FZD8: variants seen among roughly 807,000 people sequenced by gnomAD.
FZD8 encodes frizzled-8.
A neutral mutation model predicts 46.0 loss-of-function variants in FZD8; 18 were observed. The ratio of observed to expected loss-of-function variants is 0.39; its 90% CI spans 0.27 to 0.58. FZD8 has a LOEUF of 0.58. Ranked by LOEUF, FZD8 falls within the 20% of genes least tolerant of loss-of-function variation. The probability of loss-of-function intolerance (pLI) is 0.55; values close to 1 mark genes in which losing one functional copy is unlikely to be tolerated. For missense variants in FZD8, 785 were observed against 983.4 expected (o/e 0.80, Z 2.70); for synonymous variants, 586 against 467.9 (o/e 1.25, Z -3.26).
chr10:35,640,641 G>C lies in FZD8; in HGVS notation c.789C>G (p.Pro263=), dbSNP rs765082275. 1 of 1,581,732 alleles carries C rather than the reference G, an allele frequency of 6.3e-7. No individual in the cohort carries two copies. The highest frequency in any genetic ancestry group is 1.1e-5 in the South Asian group (1 of 88,174). The change falls in exon 1 of 1, where the codon CCC becomes CCG. Residue 263 remains proline (P), a synonymous_variant. Coordinates refer to ENST00000374694, the MANE Select transcript of FZD8 (RefSeq NM_031866.3). ...KTGQIANCAL[P]CHNPFFSQDE... Reference sequence around the variant, plus strand: ...CCTGGCTGAAAAAGGGGTTGTGGCAGGGCAGCGCGCAGTTAGCGATCTGGC... The same window carrying C: ...CCTGGCTGAAAAAGGGGTTGTGGCACGGCAGCGCGCAGTTAGCGATCTGGC...
rs1275358209 is a variant in FZD8 at position 35,641,169 on chromosome 10, G to A, written c.261C>T (p.Phe87=). ...EIQCSPDLKF[F]LCSMYTPICL... is the part of the protein sequence containing the mutation. ...AGATGGGCGTGTACATGCTGCACAG[G>A]AAGAACTTGAGATCGGGCGAGCACT... The change falls in exon 1 of 1, where the codon TTC becomes TTT. Residue 87 remains phenylalanine (F), a synonymous_variant. Coordinates refer to ENST00000374694, the MANE Select transcript of FZD8 (RefSeq NM_031866.3). The surrounding 1 kb of genome is among the most constrained non-coding windows in gnomAD (Gnocchi z 6.3). The A allele has an allele frequency of 1.7e-5, 27 of 1,613,950 alleles. No homozygotes were observed. The highest frequency in any genetic ancestry group is 2.2e-5 in the Non-Finnish European group (26 of 1,179,908).
chr10:35,641,494 G>GA lies in FZD8; in HGVS notation c.-66_-65insT. ...CGCGCAGAGGGGTGCCGGGGGGGGG[G>GA]CCCACGAGAGAGCCGCAGACGGGTA... On this transcript the variant is annotated 5_prime_UTR_variant, in exon 1 of 1. Transcript: ENST00000374694. This position sits in a 1 kb window ranked among gnomAD's most constrained non-coding sequence, Gnocchi z 6.3. The GA allele has an allele frequency of 1.3e-6, 2 of 1,506,092 alleles. No individual in the cohort carries two copies. Among genetic ancestry groups the GA allele is most frequent in the East Asian group, 4.7e-5 (2 of 42,496 alleles). The allele number at this position is 1,506,092 out of a possible 1,614,324, so 93.3% of individuals were successfully genotyped here.
rs535775579 is a variant in FZD8 at position 35,641,565 on chromosome 10, G to T, written c.-136C>A. ...CCCTTATGCTTCGCCCGGGAGGGGG[G>T]TCTGCCGATAATCTAACCCCTTCTA... On this transcript the variant is annotated 5_prime_UTR_variant, in exon 1 of 1. Coordinates refer to ENST00000374694, the MANE Select transcript of FZD8 (RefSeq NM_031866.3). The surrounding 1 kb of genome is among the most constrained non-coding windows in gnomAD (Gnocchi z 6.3). 4.3e-5 allele frequency: 51 copies of T among 1,193,844 alleles called. No homozygotes were observed. In the South Asian group the frequency reaches 7.7e-4, roughly 18 times the overall value. 74.0% of individuals were successfully genotyped at this position (1,193,844 alleles called of 1,614,324 possible). A position where few individuals can be genotyped will look rare whatever the true frequency, so the allele number is the denominator to read the frequency against.
Position 35,640,350 on chromosome 10 carries a change from C to T in FZD8, c.1080G>A (p.Ala360=), listed in dbSNP as rs1280361840. The T allele has an allele frequency of 3.1e-6, 3 of 964,556 alleles. No homozygotes were observed. In the African/African-American group the frequency reaches 5.4e-5, roughly 17 times the overall value. 59.7% of individuals were successfully genotyped at this position (964,556 alleles called of 1,614,324 possible). The change falls in exon 1 of 1, where the codon GCG becomes GCA. Residue 360 remains alanine (A), a synonymous_variant. Transcript: ENST00000374694. Reference sequence around the variant, plus strand: ...CGCCCGCGCCCGCGCCCGCCGCGCCCGCGCCCGCCGCCGCGCCGCCCGCGC... The same window carrying T: ...CGCCCGCGCCCGCGCCCGCCGCGCCTGCGCCCGCCGCCGCGCCGCCCGCGC... ...AGGAGGAAAG[A]GAAGAGAGGP...
Position 35,640,380 on chromosome 10 carries a change from AGCGCCCCCCGCGCCCGGC to A in FZD8, c.1032_1049del (p.Pro345_Ala350del). Reference sequence around the variant, plus strand: ...CCGCCGCCGCGCCGCCCGCGCCCCCAGCGCCCCCCGCGCCCGGCGCGCCACCGCTGCACGCCACCTTCT... The same window carrying A: ...CCGCCGCCGCGCCGCCCGCGCCCCCAGCGCCACCGCTGCACGCCACCTTCT... On this transcript the variant is annotated inframe_deletion, in exon 1 of 1. Coordinates refer to ENST00000374694, the MANE Select transcript of FZD8 (RefSeq NM_031866.3). 9.5e-7 allele frequency: 1 copy of A among 1,051,628 alleles called. No individual in the cohort carries two copies. The highest frequency in any genetic ancestry group is 1.2e-6 in the Non-Finnish European group (1 of 861,058). 65.1% of individuals were successfully genotyped at this position (1,051,628 alleles called of 1,614,324 possible). A position where few individuals can be genotyped will look rare whatever the true frequency, so the allele number is the denominator to read the frequency against.
rs1469791776 is a variant in FZD8, at chr10:35,641,930, G to C, written c.-501C>G. On this transcript the variant is annotated 5_prime_UTR_variant, in exon 1 of 1. Coordinates refer to ENST00000374694, the MANE Select transcript of FZD8 (RefSeq NM_031866.3). The surrounding 1 kb of genome is among the most constrained non-coding windows in gnomAD (Gnocchi z 6.3). ...TGGGCCGGGCCGCTTGCCGCGCCGG[G>C]TCAGCCCTGGCGGCCACCACTCGGC... is the stretch of plus-strand genomic sequence containing the variant. The C allele has an allele frequency of 6.5e-6, 1 of 152,954 alleles. No individual in the cohort carries two copies. The highest frequency in any genetic ancestry group is 2.4e-5 in the African/African-American group (1 of 41,416). 9.5% of individuals were successfully genotyped at this position (152,954 alleles called of 1,614,324 possible).
In FZD8 at chr10:35,641,554, C is replaced by T. The variant is rs1564478222; in HGVS notation, c.-125G>A. On this transcript the variant is annotated 5_prime_UTR_variant, in exon 1 of 1. Transcript: ENST00000374694. The surrounding 1 kb of genome is among the most constrained non-coding windows in gnomAD (Gnocchi z 6.3). Reference sequence around the variant, plus strand: ...ATCTGGGGTCTCCCTTATGCTTCGCCCGGGAGGGGGGTCTGCCGATAATCT... The same window carrying T: ...ATCTGGGGTCTCCCTTATGCTTCGCTCGGGAGGGGGGTCTGCCGATAATCT... The T allele has an allele frequency of 2.3e-6, 3 of 1,279,394 alleles. No homozygotes were observed. Among genetic ancestry groups the T allele is most frequent in the South Asian group, 1.5e-5 (1 of 64,608 alleles). The allele number at this position is 1,279,394 out of a possible 1,614,324, so 79.3% of individuals were successfully genotyped here.
rs748753603 is a variant in FZD8, at chr10:35,641,253, G to A, written c.177C>T (p.His59=). The change falls in exon 1 of 1, where the codon CAC becomes CAT. Residue 59 remains histidine, a synonymous_variant. Coordinates refer to ENST00000374694, the MANE Select transcript of FZD8 (RefSeq NM_031866.3). This position sits in a 1 kb window ranked among gnomAD's most constrained non-coding sequence, Gnocchi z 6.3. ...CCAGGCCCGCCTCGTCTTGCGTGTCGTGGTTGAACTGATTGGGCATGTAGG... is the reference window on the plus strand; with the variant it reads ...CCAGGCCCGCCTCGTCTTGCGTGTCATGGTTGAACTGATTGGGCATGTAGG... ...NYTYMPNQFN[H]DTQDEAGLEV... 6.2e-7 allele frequency: 1 copy of A among 1,614,076 alleles called. No homozygotes were observed. The highest frequency in any genetic ancestry group is 2.2e-5 in the East Asian group (1 of 44,834).
At position 35,641,055 on chromosome 10, in the gene FZD8, G is replaced by A. The variant is rs767641291; in HGVS notation, c.375C>T (p.Tyr125=). The change falls in exon 1 of 1, where the codon TAC becomes TAT. Residue 125 remains tyrosine (Y), a synonymous_variant. Coordinates refer to ENST00000374694, the MANE Select transcript of FZD8 (RefSeq NM_031866.3). The surrounding 1 kb of genome is among the most constrained non-coding windows in gnomAD (Gnocchi z 6.3). ...GCATGCGGTCGGGCCAGGCGAAGCCGTACTGGCGCATGAGCGGCGCGCAGC... is the reference window on the plus strand; with the variant it reads ...GCATGCGGTCGGGCCAGGCGAAGCCATACTGGCGCATGAGCGGCGCGCAGC... ...KAGCAPLMRQ[Y]GFAWPDRMRC... 8 of 1,609,912 alleles carry A rather than the reference G, an allele frequency of 5.0e-6. No individual in the cohort carries two copies. The South Asian group carries it at 7.7e-5, about 16-fold the overall frequency.
At position 35,639,374 on chromosome 10, in the gene FZD8, G is replaced by C; in HGVS notation, c.2056C>G (p.Pro686Ala). 1.3e-6 allele frequency: 2 copies of C among 1,489,644 alleles called. No homozygotes were observed. Among genetic ancestry groups the C allele is most frequent in the South Asian group, 1.3e-5 (1 of 79,980 alleles). The allele number at this position is 1,489,644 out of a possible 1,614,324, so 92.3% of individuals were successfully genotyped here. A position where few individuals can be genotyped will look rare whatever the true frequency, so the allele number is the denominator to read the frequency against. The change falls in exon 1 of 1, where the codon CCA (proline) becomes GCA (alanine). Residue 686 changes from proline (P) to alanine (A), a missense_variant. Transcript: ENST00000374694. ...ACCTGGGACAATGGCATCTGCTTTGGATAAGACACGGAGCTCGCCGTGCCC... is the reference window on the plus strand; with the variant it reads ...ACCTGGGACAATGGCATCTGCTTTGCATAAGACACGGAGCTCGCCGTGCCC... ...RSGTASSVSYPKQMPLSQV is the reference protein window; with the variant it reads ...RSGTASSVSYAKQMPLSQV
chr10:35,639,690 C>G lies in FZD8; in HGVS notation c.1740G>C (p.Arg580Ser). The change falls in exon 1 of 1, where the codon AGG becomes AGC. Residue 580 changes from arginine (R) to serine (S), a missense_variant. Arg to Ser is a moderately radical substitution (Grantham distance 110, BLOSUM62 -1). Around this residue, in one of 5 missense-constraint regions of FZD8, gnomAD observed 185 missense variants for 180.8 expected, o/e 1.02. Transcript: ENST00000374694. ...TGAGCATGAAGACGGCGTAGTCGGG[C>G]CTGCGTGCCTGGTCGGGCTGCAGGT... Reference protein sequence around the residue: ...LRDLQPDQARRPDYAVFMLKY... With the variant: ...LRDLQPDQARSPDYAVFMLKY... 1.3e-6 allele frequency: 2 copies of G among 1,599,430 alleles called. No individual in the cohort carries two copies. Among genetic ancestry groups the G allele is most frequent in the East Asian group, 4.5e-5 (2 of 44,866 alleles).
At position 35,640,491 on chromosome 10, in the gene FZD8, A is replaced by G. The variant is rs1219006211; in HGVS notation, c.939T>C (p.Ile313=). 1.9e-6 allele frequency: 3 copies of G among 1,582,284 alleles called. No individual in the cohort carries two copies. Among genetic ancestry groups the G allele is most frequent in the East Asian group, 2.3e-5 (1 of 42,892 alleles). ...AGAGGTAGCAGGCCGAGAGGAAGAT[A>G]ATGGGCCGCTCCGGGTACTTGAAGC... ...MERFKYPERP[I]IFLSACYLFV... The change falls in exon 1 of 1, where the codon ATT becomes ATC. Residue 313 remains isoleucine, a synonymous_variant. Coordinates refer to ENST00000374694, the MANE Select transcript of FZD8 (RefSeq NM_031866.3).
At position 35,640,545 on chromosome 10, in the gene FZD8, G is replaced by C; in HGVS notation, c.885C>G (p.Thr295=). 6 of 1,587,828 alleles carry C rather than the reference G, an allele frequency of 3.8e-6. No individual in the cohort carries two copies. Among genetic ancestry groups the C allele is most frequent in the Middle Eastern group, 3.3e-4 (2 of 5,978 alleles). ...SVLCFVSTFA[T]VSTFLIDMER... ...CCATGTCGATAAGGAAGGTGGAGAC[G>C]GTGGCGAAGGTGGACACGAAGCAGA... The change falls in exon 1 of 1, where the codon ACC becomes ACG. Residue 295 remains threonine, a synonymous_variant. Transcript: ENST00000374694.
Position 35,639,612 on chromosome 10 carries a change from G to A in FZD8, c.1818C>T (p.Ser606=), listed in dbSNP as rs1230428558. The A allele has an allele frequency of 1.9e-6, 3 of 1,597,746 alleles. No homozygotes were observed. Among genetic ancestry groups the A allele is most frequent in the Non-Finnish European group, 2.5e-6 (3 of 1,179,542 alleles). ...VGITSGVWVW[S]GKTLESWRSL... ...AGCGCCAGGACTCCAGCGTCTTGCC[G>A]GACCAGACCCACACGCCCGAGGTGA... The change falls in exon 1 of 1, where the codon TCC becomes TCT. Residue 606 remains serine (S), a synonymous_variant. Coordinates refer to ENST00000374694, the MANE Select transcript of FZD8 (RefSeq NM_031866.3).
chr10:35,640,648 G>C lies in FZD8; in HGVS notation c.782C>G (p.Ala261Gly). ...GAAAAAGGGGTTGTGGCAGGGCAGCGCGCAGTTAGCGATCTGGCCTGTCTT... is the reference window on the plus strand; with the variant it reads ...GAAAAAGGGGTTGTGGCAGGGCAGCCCGCAGTTAGCGATCTGGCCTGTCTT... ...RVKTGQIANC[A>G]LPCHNPFFSQ... The change falls in exon 1 of 1, where the codon GCG (alanine) becomes GGG (glycine). Residue 261 changes from alanine (A) to glycine (G), a missense_variant. By Grantham distance (60) the Ala-to-Gly change is moderately conservative (BLOSUM62 0). Transcript: ENST00000374694. 6.3e-7 allele frequency: 1 copy of C among 1,580,862 alleles called. No homozygotes were observed. Among genetic ancestry groups the C allele is most frequent in the Non-Finnish European group, 8.6e-7 (1 of 1,161,790 alleles).
At position 35,639,501 on chromosome 10, in the gene FZD8, C is replaced by CCCG; in HGVS notation, c.1926_1928dup (p.Gly643dup). 1.0e-6 allele frequency: 1 copy of CCCG among 997,868 alleles called. No individual in the cohort carries two copies. The highest frequency in any genetic ancestry group is 1.8e-5 in the African/African-American group (1 of 57,104). The allele number at this position is 997,868 out of a possible 1,614,324, so 61.8% of individuals were successfully genotyped here. ...GTCCCCCGCCGCCGCCGCCCCCCGGCCCGCCGCCACCCCCCGCGGCCGTGG... is the reference window on the plus strand; with the variant it reads ...GTCCCCCGCCGCCGCCGCCCCCCGGCCCGCCGCCGCCACCCCCCGCGGCCGTGG... On this transcript the variant is annotated inframe_insertion, in exon 1 of 1. Transcript: ENST00000374694.
At position 35,640,839 on chromosome 10, in the gene FZD8, C is replaced by T; in HGVS notation, c.591G>A (p.Arg197=). The change falls in exon 1 of 1, where the codon AGG becomes AGA. Residue 197 remains arginine, a synonymous_variant. Transcript: ENST00000374694. ...GARPPHRGGG[R]GGGGGDAAAP... is the part of the protein sequence containing the mutation. ...CCGCCGCGTCCCCGCCGCCACCGCC[C>T]CTGCCGCCGCCGCGGTGCGGGGGCC... is the stretch of plus-strand genomic sequence containing the variant. 2.0e-6 allele frequency: 2 copies of T among 979,096 alleles called. No homozygotes were observed. The highest frequency in any genetic ancestry group is 2.4e-6 in the Non-Finnish European group (2 of 827,240). 60.7% of individuals were successfully genotyped at this position (979,096 alleles called of 1,614,324 possible). A position where few individuals can be genotyped will look rare whatever the true frequency, so the allele number is the denominator to read the frequency against.
chr10:35,640,339 C>A lies in FZD8; in HGVS notation c.1091G>T (p.Gly364Val). 1.0e-6 allele frequency: 1 copy of A among 964,428 alleles called. No individual in the cohort carries two copies. Among genetic ancestry groups the A allele is most frequent in the Non-Finnish European group, 1.2e-6 (1 of 813,830 alleles). 59.7% of individuals were successfully genotyped at this position (964,428 alleles called of 1,614,324 possible). A position where few individuals can be genotyped will look rare whatever the true frequency, so the allele number is the denominator to read the frequency against. Residue 364 changes from glycine to valine, a missense_variant, in exon 1 of 1, where the codon GGC becomes GTC. Around this residue, in one of 5 missense-constraint regions of FZD8, gnomAD observed 88 missense variants for 83.6 expected, o/e 1.05. Coordinates refer to ENST00000374694, the MANE Select transcript of FZD8 (RefSeq NM_031866.3). ...CCCGCCCGGGCCGCCCGCGCCCGCG[C>A]CCGCCGCGCCCGCGCCCGCCGCCGC... ...GGAAAGAGAA[G>V]AGAGGPGGRG...
At position 35,641,370 on chromosome 10, in the gene FZD8, C is replaced by G. The variant is rs375976496; in HGVS notation, c.60G>C (p.Gln20His). Residue 20 changes from glutamine (Q) to histidine (H), a missense_variant, in exon 1 of 1, where the codon CAG (glutamine) becomes CAC (histidine). Gln to His is a conservative substitution (Grantham distance 24). Around this residue, in one of 5 missense-constraint regions of FZD8, gnomAD observed 354 missense variants for 433.2 expected, o/e 0.82. Coordinates refer to ENST00000374694, the MANE Select transcript of FZD8 (RefSeq NM_031866.3). This position sits in a 1 kb window ranked among gnomAD's most constrained non-coding sequence, Gnocchi z 6.3. ...AGGCGGCCGCAGCGCCGCTAGAGCG[C>G]TGCAGCAGCGCCAAGGCGGCCAGCA... Reference protein sequence around the residue: ...TSLLAALALLQRSSGAAAASA... With the variant: ...TSLLAALALLHRSSGAAAASA... The G allele has an allele frequency of 6.2e-7, 1 of 1,613,234 alleles. No homozygotes were observed. Among genetic ancestry groups the G allele is most frequent in the Non-Finnish European group, 8.5e-7 (1 of 1,179,778 alleles).
Sources: gnomAD v4.1 joint callset for allele counts on GRCh38, gnomAD v4.1.1 for gene constraint, gnomAD v4.1.1 regional missense constraint, Gnocchi (gnomAD v3.1) non-coding constraint, MANE v1.5 for transcripts, NCBI Gene and HGNC (gene_info 2026-07-23, HGNC 2026-07-21) for gene names.